Variants in PMP22 observed in about 807,000 individuals in gnomAD.
PMP22 encodes the protein peripheral myelin protein 22.
PMP22 carries 2 observed loss-of-function variants against 18.9 expected under a neutral mutation model. That is an observed-to-expected ratio of 0.11 (90% CI 0.04 to 0.33). The LOEUF is 0.33. PMP22 is among the 10% of genes least tolerant of loss of function. The probability of loss-of-function intolerance (pLI) is 1.00; values close to 1 mark genes in which losing one functional copy is unlikely to be tolerated. For synonymous variants in PMP22, 95 were observed against 89.2 expected (o/e 1.07, Z -0.37); for missense variants, 169 against 202.2 (o/e 0.84, Z 1.00).
rs1205725631 is a variant in PMP22, at chr17:15,230,700, A to G, written c.*217T>C. 1 of 581,202 alleles carries G rather than the reference A, an allele frequency of 1.7e-6. No homozygotes were observed. The highest frequency in any genetic ancestry group is 2.0e-5 in the South Asian group (1 of 49,978). 36.0% of individuals were successfully genotyped at this position (581,202 alleles called of 1,614,324 possible). On this transcript the variant is annotated 3_prime_UTR_variant, in exon 5 of 5. Transcript: ENST00000312280. The stretch of plus-strand genomic sequence containing the variant: ...GTCAACATAAAAAGCAAACAATACT[A>G]TGTACATATATGTAAAAAGTGTTAT...
intron 3 of PMP22, among the ~76,000 whole-genome samples, chr17:15,257,548 C>A (rs79141883): frequency 1.9e-4 from 29 of 152,206 alleles, no homozygotes; most frequent in Non-Finnish European, 3.4e-4. Context: ...AGTACGGAGA[C>A]TCCCATCCGG....
At chr17:15,242,903 A>G (rs1170905985) in intron 3 of PMP22, among the ~76,000 whole-genome samples, 1 of 152,220 alleles carries the variant, frequency 6.6e-6, no homozygotes, top group Non-Finnish European at 1.5e-5. Context: ...TAGCCAAAAT[A>G]AATTTGGAAA....
intron 3 of PMP22, among the ~76,000 whole-genome samples, chr17:15,251,066 C>A (rs1908301026): frequency 6.6e-6 from 1 of 152,178 alleles, no homozygotes; most frequent in Non-Finnish European, 1.5e-5. Flanking sequence ...ACCAGCGATC[C>A]TGCTCCCATC....
At chr17:15,259,846 G>A (rs573509736) in intron 2 of PMP22, among the ~76,000 whole-genome samples, 1 of 150,382 alleles carries the variant, frequency 6.6e-6, no homozygotes, top group South Asian at 2.1e-4. Context: ...GCTGAGGCAG[G>A]AGAATGGCTT....
chr17:15,262,732 G>A (rs1909444924), intron 1 of PMP22: 1 of 152,366 alleles, frequency 6.6e-6, no homozygotes, highest in African/African-American at 2.4e-5. Flanking sequence ...GAAAAAGTCG[G>A]TCCCTGCAAA....
chr17:15,240,778 T>A (rs1374403701), intron 3 of PMP22, among the ~76,000 whole-genome samples: 1 of 152,208 alleles, frequency 6.6e-6, no homozygotes, highest in Non-Finnish European at 1.5e-5. Flanking sequence ...AGCTGCAGCA[T>A]TTAATCCTTT....
intron 4 of PMP22, among the ~76,000 whole-genome samples, chr17:15,237,139 T>C (rs1257037191): frequency 6.6e-6 from 1 of 152,164 alleles, no homozygotes; most frequent in Non-Finnish European, 1.5e-5. Flanking sequence ...TGTATTGACT[T>C]TGGAGGAGAA....
chr17:15,262,200 C>T (rs1909398735), intron 1 of PMP22, among the ~76,000 whole-genome samples: 1 of 152,198 alleles, frequency 6.6e-6, no homozygotes, highest in African/African-American at 2.4e-5. Flanking sequence ...GACACCAGCA[C>T]CATCACCCTT....
In PMP22 at chr17:15,258,839, T is replaced by A. The variant is rs1189595419; in HGVS notation, c.178+255A>T. 1.9e-6 allele frequency: 1 copy of A among 536,394 alleles called. No homozygotes were observed. The highest frequency in any genetic ancestry group is 3.4e-6 in the Non-Finnish European group (1 of 296,040). The allele number at this position is 536,394 out of a possible 1,614,324, so 33.2% of individuals were successfully genotyped here. ...TTTTTTTCAATCACAAAAAGCATTA[T>A]CCTAAGTGATCAGGAGGGCACTAAG... On this transcript the variant is annotated intron_variant, in intron 3 of 4. Transcript: ENST00000312280. This position sits in a 1 kb window ranked among gnomAD's most constrained non-coding sequence, Gnocchi z 4.1.
In PMP22 at chr17:15,258,846, T is replaced by C; in HGVS notation, c.178+248A>G. On this transcript the variant is annotated intron_variant, in intron 3 of 4. Transcript: ENST00000312280. This position sits in a 1 kb window ranked among gnomAD's most constrained non-coding sequence, Gnocchi z 4.1. ...CAATCACAAAAAGCATTATCCTAAG[T>C]GATCAGGAGGGCACTAAGGGCATGT... The C allele has an allele frequency of 1.8e-6, 1 of 554,120 alleles. No individual in the cohort carries two copies. The allele number at this position is 554,120 out of a possible 1,614,324, so 34.3% of individuals were successfully genotyped here. A position where few individuals can be genotyped will look rare whatever the true frequency, so the allele number is the denominator to read the frequency against.
intron 3 of PMP22, among the ~76,000 whole-genome samples, chr17:15,247,068 A>C (rs1251794010): frequency 2.0e-3 from 3 of 1,464 alleles, no homozygotes; most frequent in Non-Finnish European, 5.7e-3. Context: ...GACTCGTCTC[A>C]AAAAAAAAAA....
In PMP22 at chr17:15,230,953, G is replaced by A. The variant is rs775019409; in HGVS notation, c.447C>T (p.Ser149=). 9.9e-6 allele frequency: 16 copies of A among 1,614,010 alleles called. No homozygotes were observed. The highest frequency in any genetic ancestry group is 2.7e-5 in the African/African-American group (2 of 74,916). The change falls in exon 5 of 5, where the codon AGC becomes AGT. Residue 149 remains serine, a synonymous_variant. Coordinates refer to ENST00000312280, the MANE Select transcript of PMP22 (RefSeq NM_000304.4). ...TCCGCAAGATCACATAGATGACACC[G>A]CTGAGAAGGGCCAGGGGGAAGGCCA... ...AWVAFPLALL[S]GVIYVILRKR...
At chr17:15,245,092 G>A (rs531300276) in intron 3 of PMP22, among the ~76,000 whole-genome samples, 20 of 152,060 alleles carry the variant, frequency 1.3e-4, no homozygotes, top group African/African-American at 4.3e-4. Context: ...CAAGGACAGC[G>A]AGAGGAAAAA....
Position 15,260,719 on chromosome 17 carries a change from G to C in PMP22, c.9C>G (p.Leu3=). 1 of 1,553,098 alleles carries C rather than the reference G, an allele frequency of 6.4e-7. No individual in the cohort carries two copies. Among genetic ancestry groups the C allele is most frequent in the Middle Eastern group, 1.7e-4 (1 of 5,996 alleles). The change falls in exon 2 of 5, where the codon CTC becomes CTG. Residue 3 remains leucine, a synonymous_variant. Transcript: ENST00000312280. The part of the protein sequence containing the change: ML[L]LLLSIIVLHV... ...GGAGGACGATGATACTCAGCAACAG[G>C]AGGAGCATTCTGGCGGCAAGTTCTG...
chr17:15,263,087 A>G (rs1909472717), intron 1 of PMP22, among the ~76,000 whole-genome samples: 1 of 152,142 alleles, frequency 6.6e-6, no homozygotes, highest in East Asian at 1.9e-4. Flanking sequence ...GGTCCCCGCT[A>G]TTACTGTCTG....
chr17:15,259,291 A>G (rs1292982510), intron 2 of PMP22, 98 bp from the exon 3 acceptor site: 28 of 940,414 alleles, frequency 3.0e-5, no homozygotes, highest in Middle Eastern at 2.1e-4. Context: ...AAGCACCCGC[A>G]TCCACCTAGC....
chr17:15,255,508 T>C (rs1197745441), intron 3 of PMP22, among the ~76,000 whole-genome samples: 2 of 151,460 alleles, frequency 1.3e-5, no homozygotes, highest in African/African-American at 4.8e-5. Flanking sequence ...CTAGAAAGTG[T>C]CTGCATCTCT....
intron 3 of PMP22, among the ~76,000 whole-genome samples, chr17:15,248,678 G>C (rs1163794547): frequency 6.6e-6 from 1 of 151,912 alleles, no homozygotes; most frequent in Non-Finnish European, 1.5e-5. Flanking sequence ...AATTGCTCTT[G>C]GAAGACTTAC....
At chr17:15,239,332 C>T (rs1907082990) in intron 4 of PMP22, 139 bp downstream of exon 4, 10 of 985,156 alleles carry the variant, frequency 1.0e-5, no homozygotes, top group Admixed American at 5.2e-5. Flanking sequence ...CAAGCACCCA[C>T]CCTCACTTTA....
Sources: gnomAD v4.1 joint callset for allele counts (sites outside exome capture counted in the v4.1 genomes callset) on GRCh38, gnomAD v4.1.1 for gene constraint, Gnocchi (gnomAD v3.1) non-coding constraint, MANE v1.5 for transcripts, NCBI Gene and HGNC (gene_info 2026-07-23, HGNC 2026-07-21) for gene names.